FAM83B: variants seen among roughly 807,000 people sequenced by gnomAD.
FAM83B encodes scaffolding CK1 anchoring protein B.
In FAM83B, 26 loss-of-function variants were observed where a neutral mutation model predicts 38.8. The observed-to-expected ratio is 0.67, with a 90% CI of 0.49 to 0.93. The LOEUF (loss-of-function observed/expected upper bound fraction) is 0.93, where lower values mean the gene tolerates loss of function less well. FAM83B is among the 40% of genes least tolerant of loss of function. The pLI, the probability that FAM83B is intolerant of heterozygous loss-of-function variation, is 0.00. For missense variants in FAM83B, 1,237 were observed against 1,197.3 expected (o/e 1.03, Z -0.49); for synonymous variants, 419 against 423.1 (o/e 0.99, Z 0.12).
intron 2 of FAM83B, among the ~76,000 whole-genome samples, chr6:54,917,426 A>AGGCCGGGCGCGGTGGCTCACGCCTGT: frequency 6.6e-6 from 1 of 152,304 alleles, no homozygotes; most frequent in South Asian, 2.1e-4. Flanking sequence ...TTCCACTTTT[A>AGGCCGGGCGCGGTGGCTCACGCCTGT]AATGTTCCCT....
chr6:54,860,874 T>G (rs1771566908), intron 1 of FAM83B, among the ~76,000 whole-genome samples: 1 of 152,244 alleles, frequency 6.6e-6, no homozygotes, highest in Admixed American at 6.5e-5. Context: ...AAAACTCTCT[T>G]GTGTACATGT....
chr6:54,912,595 G>A (rs1772936050), intron 2 of FAM83B, among the ~76,000 whole-genome samples: 1 of 151,576 alleles, frequency 6.6e-6, no homozygotes, highest in African/African-American at 2.4e-5. Flanking sequence ...TTGTTTATCT[G>A]TTTATAGATT....
intron 2 of FAM83B, among the ~76,000 whole-genome samples, chr6:54,875,160 T>A (rs1771960708): frequency 6.6e-6 from 1 of 152,226 alleles, no homozygotes; most frequent in Non-Finnish European, 1.5e-5. Flanking sequence ...TCACATTTTT[T>A]AAATCTGGTG....
At chr6:54,931,069 A>T (rs773230775) in intron 4 of FAM83B, among the ~76,000 whole-genome samples, 32 of 152,108 alleles carry the variant, frequency 2.1e-4, no homozygotes, top group Admixed American at 6.6e-5. Context: ...TTGGCTACTC[A>T]AAACTGTGTT....
chr6:54,861,711 G>A (rs1470718626), intron 1 of FAM83B, among the ~76,000 whole-genome samples: 1 of 152,156 alleles, frequency 6.6e-6, no homozygotes, highest in Non-Finnish European at 1.5e-5. Flanking sequence ...AGTGTTTCCA[G>A]ACAGAAAGGT....
At chr6:54,860,155 TA>T (rs1312860984) in intron 1 of FAM83B, among the ~76,000 whole-genome samples, 1 of 152,204 alleles carries the variant, frequency 6.6e-6, no homozygotes, top group Non-Finnish European at 1.5e-5. Flanking sequence ...CTACATAGCA[TA>T]ATAACAAGCT....
At chr6:54,889,495 G>A (rs555223957) in intron 2 of FAM83B, among the ~76,000 whole-genome samples, 1 of 152,124 alleles carries the variant, frequency 6.6e-6, no homozygotes, top group South Asian at 2.1e-4. Context: ...GTACCAATGC[G>A]GGATACCAAA....
chr6:54,903,064 A>G (rs1436586655), intron 2 of FAM83B, among the ~76,000 whole-genome samples: 1 of 152,188 alleles, frequency 6.6e-6, no homozygotes, highest in Non-Finnish European at 1.5e-5. Flanking sequence ...TACAATTTGC[A>G]TATATTTATA....
intron 4 of FAM83B, among the ~76,000 whole-genome samples, chr6:54,936,674 C>A (rs1773530759): frequency 1.3e-5 from 2 of 150,900 alleles, no homozygotes; most frequent in South Asian, 4.2e-4. Context: ...TTATTGCATT[C>A]TTCCCTTTTC....
Position 54,944,011 on chromosome 6 carries a change from C to G in FAM83B, c.*2004C>G, listed in dbSNP as rs1773755289. 1 of 152,160 alleles carries G rather than the reference C, an allele frequency of 6.6e-6. No individual in the cohort carries two copies. The highest frequency in any genetic ancestry group is 6.5e-5 in the Admixed American group (1 of 15,268). The allele number at this position is 152,160 out of a possible 1,614,324, so 9.4% of individuals were successfully genotyped here. A position where few individuals can be genotyped will look rare whatever the true frequency, so the allele number is the denominator to read the frequency against. On this transcript the variant is annotated 3_prime_UTR_variant, in exon 5 of 5. Coordinates refer to ENST00000306858, the MANE Select transcript of FAM83B (RefSeq NM_001010872.3). Reference sequence around the variant, plus strand: ...AATGCTTTATTTCATCATCCCCTGACAGGTGACTTAGGCTTTGCACAGCAG... The same window carrying G: ...AATGCTTTATTTCATCATCCCCTGAGAGGTGACTTAGGCTTTGCACAGCAG...
chr6:54,870,766 A>T (rs1328434664), intron 2 of FAM83B, 76 bp downstream of exon 2: 2 of 1,321,734 alleles, frequency 1.5e-6, no homozygotes, highest in Non-Finnish European at 2.0e-6. Flanking sequence ...ACAAATATGT[A>T]TGTTAATAAA....
rs949731269 is a variant in FAM83B, at chr6:54,861,193, G to C, written c.-60-8994G>C. Among the ~76,000 whole-genome samples, 3 of 152,320 alleles carry C rather than the reference G, an allele frequency of 2.0e-5. 1 individual carries two copies. ...TTCATTATTAATTTGAGATGAATTT[G>C]AGCAAATCTTTCCTAAGATGAGAGT... On this transcript the variant is annotated intron_variant, in intron 1 of 4. Coordinates refer to ENST00000306858, the MANE Select transcript of FAM83B (RefSeq NM_001010872.3).
At chr6:54,886,728 A>G (rs1324117709) in intron 2 of FAM83B, among the ~76,000 whole-genome samples, 1 of 150,678 alleles carries the variant, frequency 6.6e-6, no homozygotes, top group Non-Finnish European at 1.5e-5. Context: ...CTGATTTCTG[A>G]TCTCATTATT....
chr6:54,891,315 C>G (rs1300842305), intron 2 of FAM83B, among the ~76,000 whole-genome samples: 1 of 149,488 alleles, frequency 6.7e-6, no homozygotes, highest in Non-Finnish European at 1.5e-5. Context: ...TCTTCCACTC[C>G]TCTGTAAGTA....
chr6:54,876,027 C>CTT (rs1771985354), intron 2 of FAM83B, among the ~76,000 whole-genome samples: 1 of 151,934 alleles, frequency 6.6e-6, no homozygotes, highest in African/African-American at 2.4e-5. Flanking sequence ...TCGTCAGTAA[C>CTT]TTAGAAATTT....
intron 4 of FAM83B, among the ~76,000 whole-genome samples, chr6:54,930,065 T>G (rs1473560116): frequency 6.6e-6 from 1 of 152,052 alleles, no homozygotes; most frequent in African/African-American, 2.4e-5. Context: ...TGGCTTTTTA[T>G]TTTTGGAGAA....
chr6:54,927,038 G>A (rs1253187380), intron 3 of FAM83B, among the ~76,000 whole-genome samples: 1 of 152,004 alleles, frequency 6.6e-6, no homozygotes, highest in African/African-American at 2.4e-5. Flanking sequence ...CGGCCTTCAT[G>A]AGGGTTTTAT....
chr6:54,923,059 A>G (rs182870537), intron 2 of FAM83B, among the ~76,000 whole-genome samples: 269 of 152,238 alleles, frequency 1.8e-3, no homozygotes, highest in Middle Eastern at 6.8e-3. Context: ...TAGGAAGAAT[A>G]GTATATGGAG....
chr6:54,883,223 G>T (rs549914843), intron 2 of FAM83B, among the ~76,000 whole-genome samples: 1 of 151,820 alleles, frequency 6.6e-6, no homozygotes, highest in Non-Finnish European at 1.5e-5. Flanking sequence ...GATTACAGGC[G>T]TGAGCCACCA....
Sources: allele counts gnomAD v4.1 joint callset (sites outside exome capture counted in the v4.1 genomes callset), GRCh38; gene constraint gnomAD v4.1.1; transcripts MANE v1.5; gene names NCBI Gene and HGNC (gene_info 2026-07-23, HGNC 2026-07-21).